The following ABHD12 variants were observed in gnomAD, a reference collection of about 807,000 sequenced individuals.
ABHD12 encodes abhydrolase domain containing 12, lysophospholipase.
Under a neutral mutation model 58.3 loss-of-function variants are expected in ABHD12, and 43 were observed. The ratio of observed to expected loss-of-function variants is 0.74; its 90% CI spans 0.58 to 0.95. ABHD12 has a LOEUF of 0.95. Ranked by LOEUF, ABHD12 falls within the 40% of genes least tolerant of loss-of-function variation. ABHD12 has a pLI of 0.00. For missense variants in ABHD12, 539 were observed against 537.2 expected (o/e 1.00, Z -0.03); for synonymous variants, 219 against 211.2 (o/e 1.04, Z -0.32).
chr20:25,380,236 T>A (rs1040616262), intron 1 of ABHD12, among the ~76,000 whole-genome samples: 2 of 152,090 alleles, frequency 1.3e-5, no homozygotes, highest in African/African-American at 4.8e-5. Flanking sequence ...CTGGAACACA[T>A]GGAATACAAT....
chr20:25,329,779 G>C lies in ABHD12; in HGVS notation c.317-6349C>G, dbSNP rs115780815. Among the ~76,000 whole-genome samples the C allele has an allele frequency of 5.4e-3, 826 of 152,246 alleles. 11 individuals are homozygous for C. The highest frequency in any genetic ancestry group is 0.019 in the African/African-American group (792 of 41,538). On this transcript the variant is annotated intron_variant, in intron 2 of 12. Coordinates refer to ENST00000339157, the MANE Select transcript of ABHD12 (RefSeq NM_001042472.3). ...TGGTGTCAAGGGAAAGCCTGGGTTG[G>C]TTATTTGGGTTTTATCAAATTCCAA...
downstream of ABHD12, chr20:25,296,300 T>G: frequency 6.3e-7 from 1 of 1,574,960 alleles, no homozygotes; most frequent in Non-Finnish European, 8.7e-7. Flanking sequence ...CCTAAAGTTC[T>G]GGAATCCCAT....
chr20:25,376,125 A>AAAAAAT (rs1555824713), intron 1 of ABHD12, among the ~76,000 whole-genome samples: 3 of 151,858 alleles, frequency 2.0e-5, no homozygotes, highest in African/African-American at 7.3e-5. Context: ...CTGTCTCAAA[A>AAAAAAT]AATAATAATA....
chr20:25,378,527 T>G (rs982819889), intron 1 of ABHD12, among the ~76,000 whole-genome samples: 1 of 151,866 alleles, frequency 6.6e-6, no homozygotes, highest in Non-Finnish European at 1.5e-5. Context: ...GAGAAAAAAA[T>G]AGTTGAAAGT....
Position 25,300,252 on chromosome 20 carries a change from C to T in ABHD12, c.*593G>A, listed in dbSNP as rs560927907. The stretch of plus-strand genomic sequence containing the variant: ...ATTTTATTCTTAAATAAAGCTCAGT[C>T]TAAGGCCAGGTTAGGTGTACAGGTA... On this transcript the variant is annotated 3_prime_UTR_variant, in exon 13 of 13. Transcript: ENST00000339157. 1 of 1,008,710 alleles carries T rather than the reference C, an allele frequency of 9.9e-7. No individual in the cohort carries two copies. The highest frequency in any genetic ancestry group is 1.2e-6 in the Non-Finnish European group (1 of 842,984). The allele number at this position is 1,008,710 out of a possible 1,614,324, so 62.5% of individuals were successfully genotyped here. A position where few individuals can be genotyped will look rare whatever the true frequency, so the allele number is the denominator to read the frequency against.
chr20:25,303,484 T>C, intron 11 of ABHD12, 66 bp downstream of exon 11: 1 of 1,596,752 alleles, frequency 6.3e-7, no homozygotes, highest in Non-Finnish European at 8.5e-7. Flanking sequence ...ACTCCCAGCC[T>C]GGTCCACCCA....
At chr20:25,313,821 C>T (rs1211343071) in intron 6 of ABHD12, among the ~76,000 whole-genome samples, 2 of 150,840 alleles carry the variant, frequency 1.3e-5, no homozygotes, top group Non-Finnish European at 3.0e-5. Flanking sequence ...ACCAGTCGCT[C>T]ATTGTTAACA....
chr20:25,377,991 C>T (rs115689528), intron 1 of ABHD12, among the ~76,000 whole-genome samples: 1,704 of 152,324 alleles, frequency 0.011, 31 homozygotes, highest in African/African-American at 0.036. Flanking sequence ...CCACCGCGTC[C>T]GGCCAGGTCC....
intron 12 of ABHD12, among the ~76,000 whole-genome samples, chr20:25,301,187 A>T (rs1253713781): frequency 6.6e-6 from 1 of 152,226 alleles, no homozygotes; most frequent in African/African-American, 2.4e-5. Context: ...ATAATGGGGA[A>T]AATTATAACC....
chr20:25,322,401 CAAG>C (rs2089094090), intron 3 of ABHD12, among the ~76,000 whole-genome samples: 1 of 51,110 alleles, frequency 2.0e-5, no homozygotes, highest in Non-Finnish European at 3.7e-5. Context: ...TTTTTTGAGA[CAAG>C]AGTCTCGCTC....
chr20:25,319,577 C>G (rs2089027775), intron 4 of ABHD12, among the ~76,000 whole-genome samples: 1 of 152,210 alleles, frequency 6.6e-6, no homozygotes, highest in African/African-American at 2.4e-5. Flanking sequence ...CCACCTGGAG[C>G]TATCTTACAG....
chr20:25,385,594 C>T (rs2090078295), intron 1 of ABHD12, among the ~76,000 whole-genome samples: 1 of 151,900 alleles, frequency 6.6e-6, no homozygotes, highest in African/African-American at 2.4e-5. Flanking sequence ...GCCTATAATC[C>T]CAATACTTTG....
chr20:25,349,153 G>C (rs556069263), intron 1 of ABHD12, among the ~76,000 whole-genome samples: 2 of 151,020 alleles, frequency 1.3e-5, no homozygotes, highest in Non-Finnish European at 2.9e-5. Context: ...GGGAAAATAA[G>C]AGAGCACATT....
At chr20:25,364,772 T>G (rs1348056109) in intron 1 of ABHD12, among the ~76,000 whole-genome samples, 2 of 152,150 alleles carry the variant, frequency 1.3e-5, no homozygotes, top group Non-Finnish European at 2.9e-5. Context: ...TGGCAAAGAA[T>G]AAGAATATAA....
intron 5 of ABHD12, 64 bp downstream of exon 5, chr20:25,316,984 C>T: frequency 7.0e-7 from 1 of 1,436,580 alleles, no homozygotes; most frequent in Non-Finnish European, 9.8e-7. Flanking sequence ...TCTGGTGACT[C>T]CCTTCACTTC....
intron 1 of ABHD12, among the ~76,000 whole-genome samples, chr20:25,354,048 AGGAAGCCATCCT>A (rs2089637034): frequency 6.6e-6 from 1 of 152,210 alleles, no homozygotes; most frequent in African/African-American, 2.4e-5. Context: ...TTGGAGACAA[AGGAAGCCATCCT>A]GGAGCGGCCA....
chr20:25,296,443 T>C (rs2088546610), downstream of ABHD12: 1 of 1,613,994 alleles, frequency 6.2e-7, no homozygotes, highest in Non-Finnish European at 8.5e-7. Flanking sequence ...GACCGGACCA[T>C]CACGGAGTAT....
chr20:25,308,521 T>C (rs1241367306), intron 7 of ABHD12, 27 bp from the exon 8 acceptor site: 1 of 1,598,368 alleles, frequency 6.3e-7, no homozygotes, highest in Non-Finnish European at 8.5e-7. Flanking sequence ...ACAGCTTAGT[T>C]GAGTTATGAT....
chr20:25,390,424 C>A, intron 1 of ABHD12, 89 bp downstream of exon 1: 5 of 1,240,256 alleles, frequency 4.0e-6, no homozygotes, highest in Non-Finnish European at 5.1e-6. Flanking sequence ...CTGGGAGGGG[C>A]TGGGAGGTAC....
Sources: gnomAD v4.1 joint callset for allele counts (sites outside exome capture counted in the v4.1 genomes callset) on GRCh38, gnomAD v4.1.1 for gene constraint, MANE v1.5 for transcripts, NCBI Gene and HGNC (gene_info 2026-07-23, HGNC 2026-07-21) for gene names.